Variants in ACSS3 observed in about 807,000 individuals in gnomAD.
ACSS3 encodes the protein acyl-CoA synthetase short-chain family member 3, mitochondrial.
In ACSS3, 64 loss-of-function variants were observed where a neutral mutation model predicts 84.2. The observed-to-expected ratio is 0.76, with a 90% CI of 0.62 to 0.94. ACSS3 has a LOEUF of 0.94. Among genes scored for constraint, ACSS3 ranks in the 40% least tolerant of loss-of-function variants. The pLI, the probability that ACSS3 is intolerant of heterozygous loss-of-function variation, is 0.00. For missense variants in ACSS3, 815 were observed against 867.6 expected, an observed-to-expected ratio of 0.94 and a Z score of 0.76; for synonymous variants, 317 against 310.1, an observed-to-expected ratio of 1.02 and a Z score of -0.23.
chr12:81,110,962 G>A (rs1883526160), intron 2 of ACSS3, among the ~76,000 whole-genome samples: 1 of 152,078 alleles, frequency 6.6e-6, no homozygotes, highest in South Asian at 2.1e-4. Context: ...TCATCAGCAA[G>A]TTCTTATTTT....
Position 81,259,601 on chromosome 12 carries a change from C to T in ACSS3, c.*4679C>T, listed in dbSNP as rs1249877130. On this transcript the variant is annotated 3_prime_UTR_variant, in exon 16 of 16. Transcript: ENST00000548058. ...AGAATTCAGTTTTCACAAAGGTTTT[C>T]ACTGCTCGTCTTCTTAGATGGTAGT... 6.6e-7 allele frequency: 1 copy of T among 1,525,704 alleles called. No individual in the cohort carries two copies. Among genetic ancestry groups the T allele is most frequent in the Non-Finnish European group, 8.8e-7 (1 of 1,137,946 alleles). The allele number at this position is 1,525,704 out of a possible 1,614,324, so 94.5% of individuals were successfully genotyped here. A position where few individuals can be genotyped will look rare whatever the true frequency, so the allele number is the denominator to read the frequency against.
At chr12:81,146,595 A>G (rs1407084638) in intron 5 of ACSS3, among the ~76,000 whole-genome samples, 2 of 152,186 alleles carry the variant, frequency 1.3e-5, no homozygotes, top group African/African-American at 2.4e-5. Flanking sequence ...GCATTTGCCA[A>G]CCCTGGAGTT....
chr12:81,147,193 C>T (rs1442822726), intron 5 of ACSS3, among the ~76,000 whole-genome samples: 1 of 152,150 alleles, frequency 6.6e-6, no homozygotes, highest in African/African-American at 2.4e-5. Context: ...ATCTGAAAAC[C>T]TGTATCAAGA....
At chr12:81,232,586 AT>A (rs1479909673) in intron 12 of ACSS3, among the ~76,000 whole-genome samples, 1 of 151,686 alleles carries the variant, frequency 6.6e-6, no homozygotes, top group Admixed American at 6.6e-5. Flanking sequence ...GTCCTCTTTC[AT>A]TTATATACAC....
Position 81,205,430 on chromosome 12 carries a change from G to A in ACSS3, c.1354+5986G>A, listed in dbSNP as rs1298477071. ...AGGGATATCTGGAGAAGATTCACTA[G>A]CCCAGAAATTGTTTAAGACAGCAAT... On this transcript the variant is annotated intron_variant, in intron 9 of 15. Transcript: ENST00000548058. Among the ~76,000 whole-genome samples the A allele has an allele frequency of 2.0e-5, 3 of 151,982 alleles. No homozygotes were observed. In the East Asian group the frequency reaches 5.8e-4, roughly 29 times the overall value.
intron 13 of ACSS3, among the ~76,000 whole-genome samples, chr12:81,243,813 C>T (rs1200888559): frequency 6.6e-6 from 1 of 152,154 alleles, no homozygotes; most frequent in African/African-American, 2.4e-5. Context: ...TTAGCATATA[C>T]ACATGCGCAT....
At chr12:81,209,791 G>A (rs2032513137) in intron 9 of ACSS3, among the ~76,000 whole-genome samples, 1 of 151,886 alleles carries the variant, frequency 6.6e-6, no homozygotes, top group South Asian at 2.1e-4. Flanking sequence ...TCCAGAAAAG[G>A]GGTGAGCACT....
intron 9 of ACSS3, among the ~76,000 whole-genome samples, chr12:81,200,762 G>A (rs757713347): frequency 1.3e-5 from 2 of 151,582 alleles, no homozygotes; most frequent in African/African-American, 2.4e-5. Flanking sequence ...TTAGCCAGGC[G>A]TGATGGAGCG....
At chr12:81,254,775 C>A in intron 15 of ACSS3, 82 bp from the exon 16 acceptor site, 1 of 1,121,140 alleles carries the variant, frequency 8.9e-7, no homozygotes, top group Non-Finnish European at 1.3e-6. Context: ...GGGAAAACAA[C>A]ATTGCATATA....
chr12:81,211,154 G>T (rs1235116895), intron 9 of ACSS3, among the ~76,000 whole-genome samples: 1 of 151,602 alleles, frequency 6.6e-6, no homozygotes, highest in Non-Finnish European at 1.5e-5. Context: ...TTTGTATTTT[G>T]TGTTTTTGTA....
At chr12:81,107,036 A>C (rs1282009939) in intron 1 of ACSS3, among the ~76,000 whole-genome samples, 1 of 152,054 alleles carries the variant, frequency 6.6e-6, no homozygotes, top group Non-Finnish European at 1.5e-5. Flanking sequence ...GTATAATTTT[A>C]GACAGGTTAT....
At chr12:81,211,489 A>T (rs2032591610) in intron 9 of ACSS3, among the ~76,000 whole-genome samples, 1 of 152,124 alleles carries the variant, frequency 6.6e-6, no homozygotes. Context: ...GTTTATGTGG[A>T]CCATCTACCC....
intron 8 of ACSS3, among the ~76,000 whole-genome samples, chr12:81,187,008 T>A (rs767302357): frequency 6.6e-6 from 1 of 151,854 alleles, no homozygotes; most frequent in African/African-American, 2.4e-5. Flanking sequence ...ATATATGCAA[T>A]GGAATACCAT....
At chr12:81,237,906 T>C in intron 13 of ACSS3, among the ~76,000 whole-genome samples, 1 of 151,678 alleles carries the variant, frequency 6.6e-6, no homozygotes, top group Non-Finnish European at 1.5e-5. Context: ...AAAATATAGT[T>C]GAGGGTGGAC....
rs145460909 is a variant in ACSS3, at chr12:81,166,451, A to C, written c.1099-8337A>C. Reference sequence around the variant, plus strand: ...TGAAGTAAGATTTGATCAAGTTACCAGGTGAAGATTGAGAACAGAAACTTA... The same window carrying C: ...TGAAGTAAGATTTGATCAAGTTACCCGGTGAAGATTGAGAACAGAAACTTA... On this transcript the variant is annotated intron_variant, in intron 7 of 15. Transcript: ENST00000548058. Among the ~76,000 whole-genome samples, 774 of 152,338 alleles carry C rather than the reference A, an allele frequency of 5.1e-3. 10 individuals are homozygous for C. The highest frequency in any genetic ancestry group is 0.015 in the African/African-American group (607 of 41,578).
At chr12:81,225,784 G>T (rs543568302) in intron 11 of ACSS3, among the ~76,000 whole-genome samples, 1 of 152,018 alleles carries the variant, frequency 6.6e-6, no homozygotes, top group Non-Finnish European at 1.5e-5. Flanking sequence ...GTAGCACAGT[G>T]CATGAGGAAT....
At chr12:81,111,493 T>A (rs1883585200) in intron 2 of ACSS3, among the ~76,000 whole-genome samples, 1 of 152,178 alleles carries the variant, frequency 6.6e-6, no homozygotes, top group African/African-American at 2.4e-5. Flanking sequence ...GCATCTTCAC[T>A]TAGCACCATC....
At chr12:81,172,839 T>G (rs2030182084) in intron 7 of ACSS3, among the ~76,000 whole-genome samples, 1 of 152,202 alleles carries the variant, frequency 6.6e-6, no homozygotes, top group Non-Finnish European at 1.5e-5. Flanking sequence ...ATATCACCCT[T>G]TAATGAGTAA....
At chr12:81,174,701 A>G in intron 7 of ACSS3, 87 bp from the exon 8 acceptor site, 1 of 1,334,558 alleles carries the variant, frequency 7.5e-7, no homozygotes, top group South Asian at 1.5e-5. Flanking sequence ...TATTATTAAT[A>G]TTGTTGTGTT....
Sources: gnomAD v4.1 joint callset for allele counts (sites outside exome capture counted in the v4.1 genomes callset) on GRCh38, gnomAD v4.1.1 for gene constraint, MANE v1.5 for transcripts, NCBI Gene and HGNC (gene_info 2026-07-23, HGNC 2026-07-21) for gene names.